The following EXOC4 variants were observed in gnomAD, a reference collection of about 807,000 sequenced individuals.
The protein encoded by EXOC4 is exocyst complex component 4, also known as SEC8-like 1.
A neutral mutation model predicts 107.2 loss-of-function variants in EXOC4; 71 were observed. The observed-to-expected ratio is 0.66, with a 90% CI of 0.55 to 0.81. The LOEUF (loss-of-function observed/expected upper bound fraction) is 0.81, where lower values mean the gene tolerates loss of function less well. Among genes scored for constraint, EXOC4 ranks in the 30% least tolerant of loss-of-function variants. The pLI is 0.00. For missense variants in EXOC4, 1,108 were observed against 1,189.6 expected (o/e 0.93, Z 1.01); for synonymous variants, 456 against 441.2 (o/e 1.03, Z -0.42).
intron 9 of EXOC4, among the ~76,000 whole-genome samples, chr7:133,526,163 C>G (rs983308470): frequency 1.3e-5 from 2 of 152,168 alleles, no homozygotes; most frequent in African/African-American, 4.8e-5. Flanking sequence ...TTGGCTCTTT[C>G]TGTTTTGAGA....
intron 1 of EXOC4, among the ~76,000 whole-genome samples, chr7:133,256,682 G>A (rs987487373): frequency 4.6e-5 from 7 of 152,216 alleles, no homozygotes; most frequent in African/African-American, 1.7e-4. Flanking sequence ...TGTAATTTCT[G>A]TACTACATTA....
chr7:133,276,430 A>G (rs754351387), intron 2 of EXOC4, among the ~76,000 whole-genome samples: 1 of 152,232 alleles, frequency 6.6e-6, no homozygotes, highest in African/African-American at 2.4e-5. Flanking sequence ...ATTCTTTGCA[A>G]GGGATGATTA....
At chr7:133,921,405 A>T (rs4422723) in intron 13 of EXOC4, among the ~76,000 whole-genome samples, 93,950 of 152,070 alleles carry the variant, frequency 0.62, 31,385 homozygotes, top group African/African-American at 0.89. Context: ...AGAAATGTTA[A>T]ACCAGTTATC....
chr7:133,823,858 T>C (rs1176172647), intron 11 of EXOC4, among the ~76,000 whole-genome samples: 1 of 17,408 alleles, frequency 5.7e-5, no homozygotes, highest in African/African-American at 8.4e-4. Context: ...TATATATATA[T>C]ATATATATAT....
At chr7:133,823,906 TATATAAA>T (rs1797630462) in intron 11 of EXOC4, among the ~76,000 whole-genome samples, 3 of 29,096 alleles carry the variant, frequency 1.0e-4, no homozygotes, top group Non-Finnish European at 1.6e-4. Context: ...TATATATATA[TATATAAA>T]TATATATATA....
At chr7:134,098,963 G>A in the EXOC4 span, among the ~76,000 whole-genome samples, 2 of 152,152 alleles carry the variant, frequency 1.3e-5, no homozygotes, top group South Asian at 2.1e-4. Flanking sequence ...CAAGCTTGGG[G>A]TAGGGAGGTG....
At chr7:133,496,215 T>C (rs563598714) in intron 9 of EXOC4, among the ~76,000 whole-genome samples, 2 of 152,252 alleles carry the variant, frequency 1.3e-5, no homozygotes, top group East Asian at 3.9e-4. Context: ...AGTGCACCGG[T>C]GTGATCATAA....
rs1286128559 is a variant in EXOC4, at chr7:133,403,173, G to A, written c.1182+28171G>A. Among the ~76,000 whole-genome samples the A allele has an allele frequency of 2.0e-5, 3 of 152,278 alleles. No individual in the cohort carries two copies. In the East Asian group the frequency reaches 5.8e-4, roughly 29 times the overall value. ...GCTGGGATTGCAGGCGTGAGCCATCGTGCCCGGCTGCAAGATCCTAATATT... is the reference window on the plus strand; with the variant it reads ...GCTGGGATTGCAGGCGTGAGCCATCATGCCCGGCTGCAAGATCCTAATATT... On this transcript the variant is annotated intron_variant, in intron 7 of 17. Transcript: ENST00000253861.
chr7:133,992,351 C>G (rs1320499276), intron 14 of EXOC4, among the ~76,000 whole-genome samples: 1 of 152,080 alleles, frequency 6.6e-6, no homozygotes, highest in African/African-American at 2.4e-5. Flanking sequence ...GATGCAATCT[C>G]AGCTCACTGC....
At chr7:133,553,828 G>T (rs924729758) in intron 9 of EXOC4, among the ~76,000 whole-genome samples, 1 of 152,074 alleles carries the variant, frequency 6.6e-6, no homozygotes, top group Non-Finnish European at 1.5e-5. Context: ...TAAAATTGTG[G>T]TAAGTTTTTA....
the EXOC4 span, among the ~76,000 whole-genome samples, chr7:134,093,593 A>G: frequency 6.6e-6 from 1 of 152,194 alleles, no homozygotes; most frequent in South Asian, 2.1e-4. Context: ...TATATGCAGA[A>G]TACTCCACTC....
chr7:134,049,443 T>A (rs865839341), intron 17 of EXOC4, among the ~76,000 whole-genome samples: 13 of 152,214 alleles, frequency 8.5e-5, no homozygotes, highest in African/African-American at 3.1e-4. Context: ...ATAAACCACT[T>A]GTCGTTTTCC....
intron 6 of EXOC4, among the ~76,000 whole-genome samples, chr7:133,369,867 C>CGCAATTTG (rs67274980): frequency 5.5e-4 from 35 of 63,290 alleles, no homozygotes; most frequent in South Asian, 4.0e-3. Context: ...AGTGCAATGG[C>CGCAATTTG]GCAATTTGGC....
intron 16 of EXOC4, among the ~76,000 whole-genome samples, chr7:134,006,621 G>A (rs368596750): frequency 9.2e-5 from 14 of 151,848 alleles, no homozygotes; most frequent in Admixed American, 2.0e-4. Context: ...GATAAGCCCC[G>A]CACTCTGATC....
At chr7:133,972,048 T>C (rs1801253114) in intron 14 of EXOC4, among the ~76,000 whole-genome samples, 1 of 21,418 alleles carries the variant, frequency 4.7e-5, no homozygotes, top group Non-Finnish European at 8.3e-5. Context: ...AAGCAAAAAC[T>C]CTAGCCCTGT....
intron 17 of EXOC4, among the ~76,000 whole-genome samples, chr7:134,011,892 G>A (rs933734030): frequency 6.6e-5 from 10 of 152,034 alleles, no homozygotes; most frequent in Admixed American, 5.9e-4. Context: ...TAATGAGATG[G>A]TAACATTTGA....
chr7:133,602,778 G>T (rs1801838879), intron 9 of EXOC4, among the ~76,000 whole-genome samples: 1 of 152,220 alleles, frequency 6.6e-6, no homozygotes, highest in Non-Finnish European at 1.5e-5. Context: ...CTTCTTGACA[G>T]GTGTGTTCTG....
chr7:133,861,638 A>T (rs1013591322), intron 11 of EXOC4, among the ~76,000 whole-genome samples: 1 of 151,906 alleles, frequency 6.6e-6, no homozygotes, highest in African/African-American at 2.4e-5. Context: ...GGGTTAAGTG[A>T]TTCTCCTGCC....
chr7:133,633,005 C>T (rs1802625960), intron 10 of EXOC4, among the ~76,000 whole-genome samples: 1 of 152,114 alleles, frequency 6.6e-6, no homozygotes, highest in African/African-American at 2.4e-5. Context: ...AATCTTGGTT[C>T]AGGACTAGGC....
Sources: allele counts gnomAD v4.1 joint callset (sites outside exome capture counted in the v4.1 genomes callset), GRCh38; gene constraint gnomAD v4.1.1; transcripts MANE v1.5; gene names NCBI Gene and HGNC (gene_info 2026-07-23, HGNC 2026-07-21).